Variants in S100Z observed in about 807,000 individuals in gnomAD.
The protein encoded by S100Z is protein S100-Z.
A neutral mutation model predicts 8.5 loss-of-function variants in S100Z; 11 were observed. The ratio of observed to expected loss-of-function variants is 1.30; its 90% confidence interval spans 0.82 to 2.15. S100Z has a LOEUF of 2.15. Among genes scored for constraint, S100Z ranks in the 30% most tolerant of loss-of-function variants. The probability of loss-of-function intolerance (pLI) is 0.00; values close to 1 mark genes in which losing one functional copy is unlikely to be tolerated. For synonymous variants in S100Z, 34 were observed against 43.8 expected (o/e 0.78, Z 0.89); for missense variants, 126 against 117.9 (o/e 1.07, Z -0.32).
chr5:76,891,109 G>A (rs536057244), intron 4 of S100Z, among the ~76,000 whole-genome samples: 14 of 152,164 alleles, frequency 9.2e-5, no homozygotes, highest in East Asian at 5.8e-4. Context: ...TGATCTGCCC[G>A]CCTTGGGCTC....
intron 4 of S100Z, among the ~76,000 whole-genome samples, chr5:76,899,039 G>A (rs1393575846): frequency 2.0e-5 from 3 of 149,994 alleles, no homozygotes; most frequent in Admixed American, 1.3e-4. Context: ...AGGTTCAAGT[G>A]TTTAAGTGAT....
chr5:76,859,924 A>G (rs141188414), intron 1 of S100Z, among the ~76,000 whole-genome samples: 71 of 152,330 alleles, frequency 4.7e-4, no homozygotes, highest in African/African-American at 1.7e-3. Flanking sequence ...AACCTAACCC[A>G]AAACTGGCAA....
chr5:76,936,028 C>T, the S100Z span, among the ~76,000 whole-genome samples: 43 of 152,148 alleles, frequency 2.8e-4, no homozygotes, highest in Non-Finnish European at 4.9e-4. Flanking sequence ...CTGCCCACCT[C>T]GGCGTCCCCA....
chr5:76,913,434 G>T (rs745368419), intron 4 of S100Z, among the ~76,000 whole-genome samples: 2 of 152,158 alleles, frequency 1.3e-5, no homozygotes, highest in Non-Finnish European at 2.9e-5. Flanking sequence ...TCAAACCTGC[G>T]AGCTGTTTGC....
chr5:76,874,108 C>A (rs1300024043), intron 2 of S100Z, among the ~76,000 whole-genome samples: 1 of 152,062 alleles, frequency 6.6e-6, no homozygotes, highest in Admixed American at 6.6e-5. Flanking sequence ...TAGGTAACTG[C>A]AAGCACACAT....
chr5:76,871,314 A>G (rs1438726416), intron 2 of S100Z, among the ~76,000 whole-genome samples: 1 of 152,190 alleles, frequency 6.6e-6, no homozygotes, highest in Non-Finnish European at 1.5e-5. Flanking sequence ...GGAGAAATTA[A>G]CTAGGAATTT....
At chr5:76,874,370 A>T (rs1743107237) in intron 2 of S100Z, among the ~76,000 whole-genome samples, 2 of 152,020 alleles carry the variant, frequency 1.3e-5, no homozygotes, top group Admixed American at 1.3e-4. Flanking sequence ...AACTAATTGC[A>T]TTTCTATCCA....
chr5:76,863,516 A>G (rs1751126544), intron 1 of S100Z, among the ~76,000 whole-genome samples: 1 of 152,136 alleles, frequency 6.6e-6, no homozygotes, highest in Non-Finnish European at 1.5e-5. Context: ...CCTCAATTAT[A>G]TTATCTCTTA....
intron 2 of S100Z, among the ~76,000 whole-genome samples, chr5:76,874,584 TG>T: frequency 6.6e-6 from 1 of 152,330 alleles, no homozygotes; most frequent in South Asian, 2.1e-4. Flanking sequence ...ACAGGTGTGC[TG>T]GGGAGAACGT....
At chr5:76,937,308 T>G in the S100Z span, among the ~76,000 whole-genome samples, 5 of 151,802 alleles carry the variant, frequency 3.3e-5, no homozygotes, top group South Asian at 8.3e-4. Flanking sequence ...GGGTTGCACC[T>G]GGGGTAATAC....
At chr5:76,938,887 A>G in the S100Z span, among the ~76,000 whole-genome samples, 1 of 152,270 alleles carries the variant, frequency 6.6e-6, no homozygotes, top group African/African-American at 2.4e-5. Flanking sequence ...TTCTAAACCT[A>G]AACCTGAAAT....
chr5:76,921,892 G>A (rs981031153), downstream of S100Z, among the ~76,000 whole-genome samples: 1 of 151,970 alleles, frequency 6.6e-6, no homozygotes, highest in Non-Finnish European at 1.5e-5. Flanking sequence ...GGGAGGCTGA[G>A]GCGGGAGAAT....
rs557167833 is a variant in S100Z at position 76,854,214 on chromosome 5, C to G, written c.-176+4059C>G. Among the ~76,000 whole-genome samples, 293 of 152,190 alleles carry G rather than the reference C, an allele frequency of 1.9e-3. 2 individuals carry two copies. Among genetic ancestry groups the G allele is most frequent in the African/African-American group, 6.8e-3 (283 of 41,530 alleles). ...AATAGTACCAAGGAGTGGGGCATTGCTGTAAAGAGACCCAAAAATGTGAAA... is the reference window on the plus strand; with the variant it reads ...AATAGTACCAAGGAGTGGGGCATTGGTGTAAAGAGACCCAAAAATGTGAAA... On this transcript the variant is annotated intron_variant, in intron 1 of 4. Transcript: ENST00000317593.
intron 4 of S100Z, among the ~76,000 whole-genome samples, chr5:76,888,365 G>GTGT (rs1235748706): frequency 3.6e-5 from 3 of 84,020 alleles, no homozygotes; most frequent in Non-Finnish European, 7.5e-5. Context: ...GAAAGTGCTG[G>GTGT]TATTTTTTTT....
the S100Z span, among the ~76,000 whole-genome samples, chr5:76,932,596 C>T: frequency 1.8e-3 from 278 of 152,202 alleles, no homozygotes; most frequent in African/African-American, 6.2e-3. Context: ...TCAAGTGATC[C>T]GCCCGCCTTG....
chr5:76,874,529 C>G (rs1227057128), intron 2 of S100Z, among the ~76,000 whole-genome samples: 1 of 152,114 alleles, frequency 6.6e-6, no homozygotes, highest in African/African-American at 2.4e-5. Context: ...GCAGAGGCAC[C>G]TCCCTTTGAA....
At chr5:76,866,925 T>C (rs1295960157) in intron 1 of S100Z, among the ~76,000 whole-genome samples, 1 of 152,218 alleles carries the variant, frequency 6.6e-6, no homozygotes, top group Non-Finnish European at 1.5e-5. Flanking sequence ...TAGTTTCACT[T>C]ACCATTTTCC....
At chr5:76,892,208 T>G (rs1251357079) in intron 4 of S100Z, among the ~76,000 whole-genome samples, 1 of 152,174 alleles carries the variant, frequency 6.6e-6, no homozygotes, top group Non-Finnish European at 1.5e-5. Flanking sequence ...TAAACATCTC[T>G]GGTCCAGCCC....
intron 4 of S100Z, among the ~76,000 whole-genome samples, chr5:76,884,918 G>A (rs1743546710): frequency 6.6e-6 from 1 of 152,136 alleles, no homozygotes; most frequent in Non-Finnish European, 1.5e-5. Flanking sequence ...AGAGAAAGAA[G>A]AAAGATTTGG....
Sources: gnomAD v4.1 joint callset for allele counts (sites outside exome capture counted in the v4.1 genomes callset) on GRCh38, gnomAD v4.1.1 for gene constraint, MANE v1.5 for transcripts, NCBI Gene and HGNC (gene_info 2026-07-23, HGNC 2026-07-21) for gene names.